The following PHLDB2 variants were observed in gnomAD, a reference collection of about 807,000 sequenced individuals.
PHLDB2 encodes the protein pleckstrin homology like domain family B member 2.
In PHLDB2, 71 loss-of-function variants were observed where a neutral mutation model predicts 123.6. That is an observed-to-expected ratio of 0.57 (90% CI 0.47 to 0.70). The LOEUF (loss-of-function observed/expected upper bound fraction) is 0.70. Among genes scored for constraint, PHLDB2 ranks in the 30% least tolerant of loss-of-function variants. The probability of loss-of-function intolerance (pLI) is 0.00; values close to 1 mark genes in which losing one functional copy is unlikely to be tolerated. For synonymous variants in PHLDB2, 547 were observed against 541.6 expected, an observed-to-expected ratio of 1.01 and a Z score of -0.14; for missense variants, 1,446 against 1,519.5, an observed-to-expected ratio of 0.95 and a Z score of 0.80.
chr3:111,883,727 C>G (rs936721778), intron 1 of PHLDB2, among the ~76,000 whole-genome samples: 3 of 152,222 alleles, frequency 2.0e-5, no homozygotes, highest in African/African-American at 7.2e-5. Flanking sequence ...ACTAGGGAAG[C>G]AGGTGTTCCT....
intron 1 of PHLDB2, among the ~76,000 whole-genome samples, chr3:111,775,970 A>C (rs986678901): frequency 2.0e-5 from 3 of 152,154 alleles, no homozygotes; most frequent in Non-Finnish European, 4.4e-5. Flanking sequence ...AAAGCTTTGG[A>C]ACGTATTTAG....
rs375372316 is a variant in PHLDB2, at chr3:111,954,548, T to C, written c.2872+519T>C. Among the ~76,000 whole-genome samples, 146 of 151,588 alleles carry C rather than the reference T, an allele frequency of 9.6e-4. 1 individual carries two copies. Among genetic ancestry groups the C allele is most frequent in the African/African-American group, 3.3e-3 (137 of 41,360 alleles). ...TTCAGGTAGACTTTGACTCTCAGCA[T>C]TTTTTTTTGTAGTAATACATTACAT... is the stretch of plus-strand genomic sequence containing the variant. On this transcript the variant is annotated intron_variant, in intron 12 of 17. Transcript: ENST00000431670.
chr3:111,874,783 A>G (rs1272106170), intron 1 of PHLDB2, among the ~76,000 whole-genome samples: 1 of 152,242 alleles, frequency 6.6e-6, no homozygotes, highest in Non-Finnish European at 1.5e-5. Flanking sequence ...AATGCCTGCT[A>G]AATAAATGTC....
chr3:111,844,798 C>T (rs2063873320), intron 1 of PHLDB2, among the ~76,000 whole-genome samples: 1 of 152,116 alleles, frequency 6.6e-6, no homozygotes, highest in African/African-American at 2.4e-5. Context: ...CCTCTTCAGT[C>T]TCTGGCTCCT....
intron 1 of PHLDB2, among the ~76,000 whole-genome samples, chr3:111,794,353 T>C (rs1323086034): frequency 6.6e-6 from 1 of 152,182 alleles, no homozygotes; most frequent in Non-Finnish European, 1.5e-5. Flanking sequence ...CTGGGCCATG[T>C]GGCTGCCGCT....
chr3:111,859,203 T>G (rs2108639861), upstream of PHLDB2: 1 of 985,330 alleles, frequency 1.0e-6, no homozygotes, highest in Non-Finnish European at 1.2e-6. Flanking sequence ...ATCATCACCC[T>G]AGGACGTAAA....
chr3:111,870,300 A>G (rs1199958011), intron 1 of PHLDB2, among the ~76,000 whole-genome samples: 1 of 152,142 alleles, frequency 6.6e-6, no homozygotes, highest in Non-Finnish European at 1.5e-5. Context: ...ATATGTGGAC[A>G]GGTGAGGGTT....
intron 1 of PHLDB2, among the ~76,000 whole-genome samples, chr3:111,834,465 A>T (rs2063308896): frequency 6.7e-6 from 1 of 150,354 alleles, no homozygotes; most frequent in Admixed American, 6.7e-5. Context: ...AGGTCAGTTT[A>T]TCTAGATTTA....
chr3:111,732,679 T>C lies in PHLDB2; in HGVS notation c.-73T>C, dbSNP rs1941538243. 2.0e-6 allele frequency: 3 copies of C among 1,535,356 alleles called. No homozygotes were observed. In the African/African-American group the frequency reaches 4.1e-5, roughly 21 times the overall value. The stretch of plus-strand genomic sequence containing the variant: ...GTCAGGAAAGAAGCTGAGGGAAGAG[T>C]CGGGATTGAAAAGCAGCAGACAAGG... On this transcript the variant is annotated 5_prime_UTR_variant, in exon 1 of 18. Coordinates refer to the PHLDB2 transcript ENST00000393923.
At chr3:111,780,651 G>A in intron 1 of PHLDB2, among the ~76,000 whole-genome samples, 1 of 151,904 alleles carries the variant, frequency 6.6e-6, no homozygotes, top group Non-Finnish European at 1.5e-5. Context: ...TGAGTTTTAT[G>A]CTAATAGAAA....
intron 1 of PHLDB2, among the ~76,000 whole-genome samples, chr3:111,819,706 A>G (rs922038873): frequency 5.3e-5 from 8 of 152,178 alleles, no homozygotes; most frequent in African/African-American, 1.9e-4. Flanking sequence ...CAAACCCACT[A>G]TTATCTCAAC....
At chr3:111,790,997 C>A (rs976529540) in intron 1 of PHLDB2, among the ~76,000 whole-genome samples, 7 of 151,962 alleles carry the variant, frequency 4.6e-5, no homozygotes, top group Non-Finnish European at 2.9e-5. Context: ...ACACTGTGAA[C>A]CTTTTCCATA....
chr3:111,815,490 T>G (rs1251081717), intron 1 of PHLDB2, among the ~76,000 whole-genome samples: 3 of 152,168 alleles, frequency 2.0e-5, no homozygotes, highest in Admixed American at 6.5e-5. Context: ...TGTTGGAAAC[T>G]AGAGCAAAGA....
chr3:111,790,784 T>C (rs1257103750), intron 1 of PHLDB2, among the ~76,000 whole-genome samples: 3 of 152,118 alleles, frequency 2.0e-5, no homozygotes, highest in Non-Finnish European at 4.4e-5. Context: ...TTTAAAACTT[T>C]TTTAAAAATA....
At chr3:111,860,495 TAA>T (rs2064775752) in intron 1 of PHLDB2, among the ~76,000 whole-genome samples, 1 of 152,214 alleles carries the variant, frequency 6.6e-6, no homozygotes, top group Admixed American at 6.5e-5. Flanking sequence ...CTGGTTCGCT[TAA>T]TAACTTAGCC....
chr3:111,893,917 T>TTTATTTAC (rs1424184177), intron 2 of PHLDB2, among the ~76,000 whole-genome samples: 1 of 146,234 alleles, frequency 6.8e-6, no homozygotes, highest in African/African-American at 2.5e-5. Flanking sequence ...TATTTATTTA[T>TTTATTTAC]TTTTTATTAT....
intron 1 of PHLDB2, among the ~76,000 whole-genome samples, chr3:111,735,291 C>A (rs891295665): frequency 1.3e-5 from 2 of 152,174 alleles, no homozygotes; most frequent in Admixed American, 6.5e-5. Context: ...CCCAAAGAGA[C>A]CCATGTCGGC....
At chr3:111,824,657 G>C (rs1400603363) in intron 1 of PHLDB2, among the ~76,000 whole-genome samples, 2 of 152,184 alleles carry the variant, frequency 1.3e-5, no homozygotes, top group Admixed American at 6.5e-5. Context: ...AATGAAGCCT[G>C]TGTTCAGCAG....
chr3:111,900,108 T>C (rs565978834), intron 2 of PHLDB2, among the ~76,000 whole-genome samples: 4 of 152,376 alleles, frequency 2.6e-5, no homozygotes, highest in East Asian at 3.9e-4. Context: ...TTAGCCTTCA[T>C]AGAACTGAAG....
Sources: allele counts gnomAD v4.1 joint callset (sites outside exome capture counted in the v4.1 genomes callset), GRCh38; gene constraint gnomAD v4.1.1; transcripts MANE v1.5; gene names NCBI Gene and HGNC (gene_info 2026-07-23, HGNC 2026-07-21).